Variants in FBXL7 observed in about 807,000 individuals in gnomAD.
FBXL7 encodes the protein F-box/LRR-repeat protein 7.
A neutral mutation model predicts 38.3 loss-of-function variants in FBXL7; 12 were observed. The observed-to-expected ratio is 0.31, with a 90% CI of 0.20 to 0.51. FBXL7 has a LOEUF of 0.51. FBXL7 is among the 20% of genes least tolerant of loss of function. The probability of loss-of-function intolerance (pLI) is 0.98; values close to 1 mark genes in which losing one functional copy is unlikely to be tolerated. For missense variants in FBXL7, 567 were observed against 676.4 expected (o/e 0.84, Z 1.79); for synonymous variants, 297 against 300.9 (o/e 0.99, Z 0.13).
At chr5:15,759,702 GCATT>G (rs1010938668) in intron 2 of FBXL7, among the ~76,000 whole-genome samples, 150 of 152,226 alleles carry the variant, frequency 9.9e-4, no homozygotes, top group African/African-American at 3.4e-3. Flanking sequence ...GTTCATTCAT[GCATT>G]CATTCATTTA....
intron 2 of FBXL7, among the ~76,000 whole-genome samples, chr5:15,840,137 T>C (rs577189675): frequency 6.6e-6 from 1 of 152,226 alleles, no homozygotes; most frequent in Non-Finnish European, 1.5e-5. Context: ...CTGACATTTG[T>C]TCCATCCCAG....
rs143920680 is a variant in FBXL7, at chr5:15,809,446, A to G, written c.128-118444A>G. On this transcript the variant is annotated intron_variant, in intron 2 of 3. Coordinates refer to ENST00000504595, the MANE Select transcript of FBXL7 (RefSeq NM_012304.5). ...CAAAAAGTAAGAGAGAAGACCAATA[A>G]TAGAATTAACTTCATAGGGTTGTTA... Among the ~76,000 whole-genome samples the G allele has an allele frequency of 7.3e-4, 111 of 152,338 alleles. 1 individual carries two copies. Among genetic ancestry groups the G allele is most frequent in the African/African-American group, 2.4e-3 (99 of 41,578 alleles).
At chr5:15,761,604 C>T (rs1202346014) in intron 2 of FBXL7, among the ~76,000 whole-genome samples, 1 of 152,166 alleles carries the variant, frequency 6.6e-6, no homozygotes, top group Non-Finnish European at 1.5e-5. Context: ...AGTGCTATAG[C>T]ACGATCTCTG....
At chr5:15,680,079 A>G (rs956585523) in intron 2 of FBXL7, among the ~76,000 whole-genome samples, 2 of 152,170 alleles carry the variant, frequency 1.3e-5, no homozygotes, top group African/African-American at 4.8e-5. Flanking sequence ...TCAGAATTCA[A>G]TGCAGTTTTT....
intron 3 of FBXL7, among the ~76,000 whole-genome samples, chr5:15,935,585 A>G (rs114287388): frequency 0.026 from 2,901 of 111,046 alleles, 86 homozygotes; most frequent in African/African-American, 0.085. Context: ...GCCTCTGGCA[A>G]ATAGGGGTGT....
intron 1 of FBXL7, among the ~76,000 whole-genome samples, chr5:15,528,308 T>A (rs1020891313): frequency 6.6e-6 from 1 of 152,216 alleles, no homozygotes; most frequent in Non-Finnish European, 1.5e-5. Flanking sequence ...GAATATCTTA[T>A]GGCCTAGTTT....
chr5:15,705,083 T>C (rs1743639213), intron 2 of FBXL7, among the ~76,000 whole-genome samples: 1 of 152,186 alleles, frequency 6.6e-6, no homozygotes, highest in African/African-American at 2.4e-5. Context: ...GATTTTGCAT[T>C]CTCACAATTC....
chr5:15,692,157 T>G (rs1298306132), intron 2 of FBXL7, among the ~76,000 whole-genome samples: 3 of 152,178 alleles, frequency 2.0e-5, no homozygotes, highest in African/African-American at 7.2e-5. Context: ...CTTTTCTAAT[T>G]GAAAGATCCT....
At chr5:15,783,755 G>A (rs1309829665) in intron 2 of FBXL7, among the ~76,000 whole-genome samples, 1 of 152,138 alleles carries the variant, frequency 6.6e-6, no homozygotes, top group African/African-American at 2.4e-5. Flanking sequence ...GAAATAGTTA[G>A]GGAAGTAAGG....
At chr5:15,756,408 T>A (rs1736297561) in intron 2 of FBXL7, among the ~76,000 whole-genome samples, 1 of 152,214 alleles carries the variant, frequency 6.6e-6, no homozygotes, top group South Asian at 2.1e-4. Context: ...ACTTACCTCA[T>A]CCTTATAAGC....
chr5:15,592,710 T>A (rs1241498515), intron 1 of FBXL7, among the ~76,000 whole-genome samples: 2 of 152,066 alleles, frequency 1.3e-5, no homozygotes, highest in South Asian at 2.1e-4. Flanking sequence ...GGACCTTTAG[T>A]TTTTGGAGTT....
intron 2 of FBXL7, among the ~76,000 whole-genome samples, chr5:15,722,417 G>A (rs1473023270): frequency 6.6e-6 from 1 of 152,058 alleles, no homozygotes; most frequent in Non-Finnish European, 1.5e-5. Context: ...CCACCCTCCA[G>A]CTACTACAAG....
chr5:15,917,120 G>T (rs1579599142), intron 2 of FBXL7, among the ~76,000 whole-genome samples: 3 of 152,096 alleles, frequency 2.0e-5, no homozygotes, highest in Admixed American at 6.6e-5. Flanking sequence ...AGGAATCCAG[G>T]TTTTTCTGTC....
At chr5:15,818,741 TGTGA>T (rs1271301073) in intron 2 of FBXL7, among the ~76,000 whole-genome samples, 996 of 43,180 alleles carry the variant, frequency 0.023, 4 homozygotes, top group East Asian at 0.21. Context: ...TGTGTGTGTG[TGTGA>T]GAGAGAGAGA....
intron 1 of FBXL7, among the ~76,000 whole-genome samples, chr5:15,594,197 T>G (rs1452940818): frequency 6.6e-6 from 1 of 152,190 alleles, no homozygotes; most frequent in Non-Finnish European, 1.5e-5. Flanking sequence ...AAGGGAAATA[T>G]TGTCCTTTTG....
chr5:15,815,999 T>C (rs1266784433), intron 2 of FBXL7, among the ~76,000 whole-genome samples: 2 of 152,152 alleles, frequency 1.3e-5, no homozygotes, highest in African/African-American at 4.8e-5. Flanking sequence ...AATTAAAATA[T>C]ATTAGGTGTT....
intron 2 of FBXL7, among the ~76,000 whole-genome samples, chr5:15,833,244 G>A (rs1738505067): frequency 6.6e-6 from 1 of 152,182 alleles, no homozygotes; most frequent in South Asian, 2.1e-4. Context: ...CAAGGTCCCA[G>A]TAGGGCTCAG....
intron 2 of FBXL7, among the ~76,000 whole-genome samples, chr5:15,920,253 T>A (rs1741703716): frequency 6.8e-6 from 1 of 146,240 alleles, no homozygotes; most frequent in African/African-American, 2.7e-5. Flanking sequence ...CGAGACTCCA[T>A]CTCAAAAAAA....
At chr5:15,821,422 C>G (rs73056301) in intron 2 of FBXL7, among the ~76,000 whole-genome samples, 1 of 152,124 alleles carries the variant, frequency 6.6e-6, no homozygotes, top group African/African-American at 2.4e-5. Flanking sequence ...AAACCCGTCG[C>G]ACAGGGAGAA....
Sources: allele counts gnomAD v4.1 joint callset (sites outside exome capture counted in the v4.1 genomes callset), GRCh38; gene constraint gnomAD v4.1.1; transcripts MANE v1.5; gene names NCBI Gene and HGNC (gene_info 2026-07-23, HGNC 2026-07-21).